RIT2: variants seen among roughly 807,000 people sequenced by gnomAD.
RIT2 encodes the protein Ras like without CAAX 2.
A neutral mutation model predicts 23.7 loss-of-function variants in RIT2; 24 were observed. The observed-to-expected ratio is 1.01, with a 90% CI of 0.73 to 1.43. The LOEUF (loss-of-function observed/expected upper bound fraction) is 1.43. RIT2 is among the 40% of genes most tolerant of loss of function. The pLI, the probability that RIT2 is intolerant of heterozygous loss-of-function variation, is 0.00. For synonymous variants in RIT2, 107 were observed against 91.1 expected (o/e 1.17, Z -0.99); for missense variants, 236 against 266.9 (o/e 0.88, Z 0.81).
intron 4 of RIT2, among the ~76,000 whole-genome samples, chr18:42,922,703 A>C (rs1330499805): frequency 6.6e-6 from 1 of 152,130 alleles, no homozygotes; most frequent in African/African-American, 2.4e-5. Context: ...AGAGAAGAAA[A>C]TATAATGAAT....
chr18:42,783,493 T>G (rs1913857321), intron 4 of RIT2, among the ~76,000 whole-genome samples: 1 of 152,144 alleles, frequency 6.6e-6, no homozygotes, highest in African/African-American at 2.4e-5. Context: ...TAGGTGGTTT[T>G]CAACTGAAAT....
At chr18:42,889,049 C>G (rs1908103202) in intron 4 of RIT2, among the ~76,000 whole-genome samples, 1 of 151,592 alleles carries the variant, frequency 6.6e-6, no homozygotes, top group African/African-American at 2.4e-5. Flanking sequence ...CCCCCTGTTT[C>G]TAAATGAAAA....
At chr18:42,795,432 G>A (rs1172077244) in intron 4 of RIT2, among the ~76,000 whole-genome samples, 3 of 152,246 alleles carry the variant, frequency 2.0e-5, no homozygotes, top group Non-Finnish European at 4.4e-5. Context: ...CACTGGCGCT[G>A]CTCTCGATTT....
intron 1 of RIT2, among the ~76,000 whole-genome samples, chr18:43,072,915 A>G (rs910408638): frequency 6.6e-6 from 1 of 152,188 alleles, no homozygotes; most frequent in Non-Finnish European, 1.5e-5. Flanking sequence ...AGGAGAATAA[A>G]GCATAATTCT....
intron 2 of RIT2, among the ~76,000 whole-genome samples, chr18:43,019,475 A>G (rs1911547899): frequency 6.6e-6 from 1 of 152,088 alleles, no homozygotes; most frequent in Admixed American, 6.6e-5. Flanking sequence ...AGCATTGATA[A>G]AATTCAATAT....
intron 4 of RIT2, among the ~76,000 whole-genome samples, chr18:42,913,885 T>C (rs1045454794): frequency 7.2e-5 from 11 of 152,062 alleles, no homozygotes; most frequent in Admixed American, 1.3e-4. Flanking sequence ...TGTAGGGTAA[T>C]GCATATGTTA....
At chr18:43,042,777 C>T (rs1912158506) in intron 1 of RIT2, among the ~76,000 whole-genome samples, 1 of 152,138 alleles carries the variant, frequency 6.6e-6, no homozygotes, top group Admixed American at 6.5e-5. Flanking sequence ...TGGAGGAGGA[C>T]AGCCAGTGAA....
chr18:43,020,871 T>G (rs1911579230), intron 2 of RIT2, among the ~76,000 whole-genome samples: 1 of 152,088 alleles, frequency 6.6e-6, no homozygotes, highest in Non-Finnish European at 1.5e-5. Context: ...TCAAAATGGA[T>G]TCACGACCTG....
chr18:43,099,423 T>C (rs1913630971), intron 1 of RIT2, among the ~76,000 whole-genome samples: 1 of 152,104 alleles, frequency 6.6e-6, no homozygotes, highest in Non-Finnish European at 1.5e-5. Context: ...TATATTAATG[T>C]ATTTCTTCCT....
chr18:42,877,985 T>C (rs1167259729), intron 4 of RIT2, among the ~76,000 whole-genome samples: 1 of 151,886 alleles, frequency 6.6e-6, no homozygotes, highest in Non-Finnish European at 1.5e-5. Context: ...TACCATATTA[T>C]GTATGTGCAA....
chr18:42,799,472 A>G (rs551830581), intron 4 of RIT2, among the ~76,000 whole-genome samples: 51 of 152,312 alleles, frequency 3.3e-4, no homozygotes, highest in Middle Eastern at 3.4e-3. Flanking sequence ...CAAGCTACCA[A>G]TATTTCCCAA....
intron 2 of RIT2, among the ~76,000 whole-genome samples, chr18:43,022,230 G>A (rs1371308126): frequency 2.0e-5 from 3 of 152,036 alleles, no homozygotes; most frequent in East Asian, 1.9e-4. Context: ...ATATGTTCTC[G>A]CTTATAAGTG....
At chr18:43,060,963 G>C (rs1326090479) in intron 1 of RIT2, among the ~76,000 whole-genome samples, 1 of 151,952 alleles carries the variant, frequency 6.6e-6, no homozygotes, top group South Asian at 2.1e-4. Flanking sequence ...CTAAATAATT[G>C]AGCATGGCAT....
At chr18:43,068,551 C>T (rs994996370) in intron 1 of RIT2, among the ~76,000 whole-genome samples, 2 of 152,060 alleles carry the variant, frequency 1.3e-5, no homozygotes, top group African/African-American at 2.4e-5. Flanking sequence ...GGCATAGTGT[C>T]ATGGGCATCA....
intron 4 of RIT2, among the ~76,000 whole-genome samples, chr18:42,914,764 A>G (rs1441139022): frequency 6.6e-6 from 1 of 151,978 alleles, no homozygotes; most frequent in East Asian, 1.9e-4. Context: ...CACATGCATG[A>G]GTACATGTAT....
chr18:42,893,761 AAG>A (rs570729977), intron 4 of RIT2, among the ~76,000 whole-genome samples: 1 of 152,174 alleles, frequency 6.6e-6, no homozygotes, highest in Non-Finnish European at 1.5e-5. Context: ...GCAAGAAAAA[AAG>A]AGAGAGTCAA....
intron 2 of RIT2, among the ~76,000 whole-genome samples, chr18:42,999,237 T>G (rs1231135875): frequency 6.6e-6 from 1 of 152,094 alleles, no homozygotes; most frequent in Non-Finnish European, 1.5e-5. Flanking sequence ...ATAGGCACTA[T>G]GAGCAATAAT....
chr18:42,943,336 G>C (rs1264687179), intron 3 of RIT2, among the ~76,000 whole-genome samples: 1 of 151,968 alleles, frequency 6.6e-6, no homozygotes, highest in Non-Finnish European at 1.5e-5. Context: ...AGCACTGATT[G>C]GTGTGTTTTT....
At chr18:42,839,586 T>C (rs189522934) in intron 4 of RIT2, among the ~76,000 whole-genome samples, 64 of 152,308 alleles carry the variant, frequency 4.2e-4, no homozygotes, top group African/African-American at 1.5e-3. Context: ...CAAAGTCCTG[T>C]CTTCATGGTC....
Sources: gnomAD v4.1 joint callset for allele counts (sites outside exome capture counted in the v4.1 genomes callset) on GRCh38, gnomAD v4.1.1 for gene constraint, MANE v1.5 for transcripts, NCBI Gene and HGNC (gene_info 2026-07-23, HGNC 2026-07-21) for gene names.